Variants in NLRP9 observed in about 807,000 individuals in gnomAD.
The protein encoded by NLRP9 is NACHT, LRR and PYD domains-containing protein 9.
NLRP9 carries 88 observed loss-of-function variants against 83.1 expected under a neutral mutation model. The observed-to-expected ratio is 1.06, with a 90% CI of 0.89 to 1.26. The LOEUF is 1.26. NLRP9 is among the 50% of genes most tolerant of loss of function. NLRP9 has a pLI of 0.00. For synonymous variants in NLRP9, 521 were observed against 447.6 expected, an observed-to-expected ratio of 1.16 and a Z score of -2.07; for missense variants, 1,308 against 1,179.3, an observed-to-expected ratio of 1.11 and a Z score of -1.60.
intron 5 of NLRP9, among the ~76,000 whole-genome samples, chr19:55,715,698 G>C (rs193023604): frequency 6.6e-5 from 10 of 152,058 alleles, no homozygotes; most frequent in Non-Finnish European, 1.3e-4. Flanking sequence ...AAAAAGAAAA[G>C]GGGATTAAAA....
At chr19:55,712,691 A>G (rs1390324879) in intron 6 of NLRP9, 101 bp from the exon 7 acceptor site, 1 of 1,002,464 alleles carries the variant, frequency 1.0e-6, no homozygotes, top group African/African-American at 1.7e-5. Context: ...ATACCCAAGT[A>G]AATCTGAGAT....
At chr19:55,709,932 C>T (rs1017389030) in intron 8 of NLRP9, 8 of 152,190 alleles carry the variant, frequency 5.3e-5, no homozygotes, top group East Asian at 3.8e-4. Context: ...TCCCCTCTCC[C>T]GTGTCCTTCC....
chr19:55,731,647 C>T (rs1380506170), intron 2 of NLRP9, among the ~76,000 whole-genome samples: 2 of 151,308 alleles, frequency 1.3e-5, no homozygotes, highest in Non-Finnish European at 2.9e-5. Flanking sequence ...TCGCTTGAAC[C>T]TGGGAGGTGG....
Position 55,732,509 on chromosome 19 carries a change from A to T in NLRP9, c.1322T>A (p.Phe441Tyr). 6.2e-7 allele frequency: 1 copy of T among 1,614,246 alleles called. No individual in the cohort carries two copies. Residue 441 changes from phenylalanine to tyrosine, a missense_variant, in exon 2 of 9, where the codon TTT becomes TAT. Physicochemically the swap from Phe to Tyr is conservative, Grantham distance 22. Transcript: ENST00000332836. ...MRLLQRRGDC[F>Y]AFMHLCIQEF... ...TTGGATACACAGATGCATGAAGGCA[A>T]AACAGTCCCCTCTCCTTTGGAGGAG...
chr19:55,732,493 C>A lies in NLRP9; in HGVS notation c.1338G>T (p.Leu446=), dbSNP rs73615267. ...TGGCGGCACAAAACTCTTGGATACA[C>A]AGATGCATGAAGGCAAAACAGTCCC... ...RRGDCFAFMH[L]CIQEFCAAMF... is the part of the protein sequence containing the mutation. The change falls in exon 2 of 9, where the codon CTG becomes CTT. Residue 446 remains leucine, a synonymous_variant. Coordinates refer to ENST00000332836, the MANE Select transcript of NLRP9 (RefSeq NM_176820.4). The A allele has an allele frequency of 3.8e-3, 6,204 of 1,614,170 alleles. 201 individuals carry two copies. In the African/African-American group the frequency reaches 0.068, roughly 18 times the overall value.
intron 4 of NLRP9, 106 bp downstream of exon 4, chr19:55,723,874 A>G: frequency 1.2e-6 from 1 of 814,984 alleles, no homozygotes; most frequent in South Asian, 1.9e-5. Flanking sequence ...AAAACAAGAG[A>G]GATGAAGGCT....
chr19:55,726,926 A>G (rs1988419812), intron 3 of NLRP9, among the ~76,000 whole-genome samples: 1 of 152,226 alleles, frequency 6.6e-6, no homozygotes, highest in Non-Finnish European at 1.5e-5. Flanking sequence ...AACTGTCTCT[A>G]TCATTTCTGG....
At chr19:55,712,101 G>A in intron 7 of NLRP9, 131 bp from the exon 8 acceptor site, 1 of 903,760 alleles carries the variant, frequency 1.1e-6, no homozygotes, top group Non-Finnish European at 1.7e-6. Flanking sequence ...TCTCAGCCAG[G>A]ACGATTGTGC....
intron 4 of NLRP9, among the ~76,000 whole-genome samples, chr19:55,717,629 A>G (rs759090858): frequency 9.2e-5 from 14 of 152,204 alleles, no homozygotes; most frequent in Non-Finnish European, 1.0e-4. Context: ...AGGAAAACCC[A>G]AACTGTGTTT....
At position 55,733,479 on chromosome 19, in the gene NLRP9, G is replaced by A. The variant is rs376663019; in HGVS notation, c.352C>T (p.His118Tyr). 1.9e-6 allele frequency: 3 copies of A among 1,613,214 alleles called. No individual in the cohort carries two copies. The African/African-American group carries it at 4.0e-5, about 22-fold the overall frequency. ...TCTTTGTAGAAATGCTCAGGGACGT[G>A]AAGACAGGTTTCCTTCTCCCATATG... ...QLIWEKETCL[H>Y]VPEHFYKETM... Residue 118 changes from histidine to tyrosine, a missense_variant, in exon 2 of 9, where the codon CAC becomes TAC. Coordinates refer to ENST00000332836, the MANE Select transcript of NLRP9 (RefSeq NM_176820.4).
At chr19:55,719,370 C>G (rs1988147053) in intron 4 of NLRP9, among the ~76,000 whole-genome samples, 2 of 152,150 alleles carry the variant, frequency 1.3e-5, no homozygotes, top group Admixed American at 1.3e-4. Flanking sequence ...CCAGGGTGAT[C>G]TCGAACTCCT....
In NLRP9 at chr19:55,711,549, T is replaced by TGGA. The variant is rs1389796089; in HGVS notation, c.2843+248_2843+250dup. On this transcript the variant is annotated intron_variant, in intron 8 of 8. Coordinates refer to ENST00000332836, the MANE Select transcript of NLRP9 (RefSeq NM_176820.4). The stretch of plus-strand genomic sequence containing the variant: ...TCTCCGAGGGACTTCTGACAATTTC[T>TGGA]GGAGCTCTTTTTGATTGTCACAACT... The TGGA allele has an allele frequency of 8.6e-6, 10 of 1,157,338 alleles. No homozygotes were observed. In the African/African-American group the frequency reaches 1.5e-4, roughly 18 times the overall value. The allele number at this position is 1,157,338 out of a possible 1,614,324, so 71.7% of individuals were successfully genotyped here.
At position 55,712,402 on chromosome 19, in the gene NLRP9, TG is replaced by T; in HGVS notation, c.2672+17del. ...AAATAGATAAATTTTCCTACGATGGTGATCAGTAGATACTCACCCGAGACAC... is the reference window on the plus strand; with the variant it reads ...AAATAGATAAATTTTCCTACGATGGTATCAGTAGATACTCACCCGAGACAC... On this transcript the variant is annotated intron_variant, in intron 7 of 8. Transcript: ENST00000332836. 1 of 1,594,032 alleles carries T rather than the reference TG, an allele frequency of 6.3e-7. No individual in the cohort carries two copies. Among genetic ancestry groups the T allele is most frequent in the African/African-American group, 1.3e-5 (1 of 74,452 alleles).
At chr19:55,727,859 TA>T (rs1279627611) in intron 3 of NLRP9, among the ~76,000 whole-genome samples, 1 of 152,152 alleles carries the variant, frequency 6.6e-6, no homozygotes, top group Non-Finnish European at 1.5e-5. Flanking sequence ...GGTGACTTGC[TA>T]GGAGACCTTG....
At chr19:55,711,681 A>C in intron 8 of NLRP9, 119 bp downstream of exon 8, 3 of 991,528 alleles carry the variant, frequency 3.0e-6, no homozygotes, top group Non-Finnish European at 4.6e-6. Context: ...GCCCAAGGAC[A>C]GGCCCCCACC....
At chr19:55,718,054 A>G (rs1988087809) in intron 4 of NLRP9, among the ~76,000 whole-genome samples, 1 of 152,234 alleles carries the variant, frequency 6.6e-6, no homozygotes, top group South Asian at 2.1e-4. Flanking sequence ...CCCTGTGCTC[A>G]CAGAAACACG....
chr19:55,715,229 C>T lies in NLRP9; in HGVS notation c.2331-4G>A. The T allele has an allele frequency of 1.2e-6, 2 of 1,611,642 alleles. No homozygotes were observed. Among genetic ancestry groups the T allele is most frequent in the South Asian group, 1.1e-5 (1 of 90,802 alleles). On this transcript the variant is annotated splice_polypyrimidine_tract_variant and splice_region_variant and intron_variant, in intron 5 of 8. Transcript: ENST00000332836. ...GGTGAGACAGCAGTACATCAACCTG[C>T]AAAGAAACACACCGTCTCCCAGCCT...
chr19:55,724,165 AATAGCATCATGCAATGAG>A, intron 3 of NLRP9, 21 bp from the exon 4 acceptor site: 1 of 1,576,934 alleles, frequency 6.3e-7, no homozygotes, highest in Non-Finnish European at 8.7e-7. Context: ...TTAAAAAAAA[AATAGCATCATGCAATGAG>A]ATCCCAGCAC....
At chr19:55,723,905 A>T in intron 4 of NLRP9, 75 bp downstream of exon 4, 1 of 1,193,710 alleles carries the variant, frequency 8.4e-7, no homozygotes, top group Non-Finnish European at 1.2e-6. Flanking sequence ...CCCTCCAGGA[A>T]GGAAAACAAG....
Sources: allele counts gnomAD v4.1 joint callset (sites outside exome capture counted in the v4.1 genomes callset), GRCh38; gene constraint gnomAD v4.1.1; transcripts MANE v1.5; gene names NCBI Gene and HGNC (gene_info 2026-07-23, HGNC 2026-07-21).